BRD10: variants seen among roughly 807,000 people sequenced by gnomAD.
BRD10 encodes uncharacterized bromodomain-containing protein 10.
At chr9:5,931,009 TTC>T in the BRD10 span, among the ~76,000 whole-genome samples, 1 of 152,220 alleles carries the variant, frequency 6.6e-6, no homozygotes, top group African/African-American at 2.4e-5. Context: ...AAGTAAATCT[TTC>T]CTAAGTTAAA....
the BRD10 span, chr9:5,988,304 A>G: frequency 6.6e-7 from 1 of 1,506,900 alleles, no homozygotes. Flanking sequence ...GCACATAAAA[A>G]TTATGCAGCT....
the BRD10 span, among the ~76,000 whole-genome samples, chr9:5,896,171 T>C: frequency 6.6e-6 from 1 of 152,226 alleles, no homozygotes; most frequent in African/African-American, 2.4e-5. Flanking sequence ...TGTGCAGCCC[T>C]GGGCACTTGA....
chr9:5,927,958 T>C, the BRD10 span, among the ~76,000 whole-genome samples: 4 of 152,214 alleles, frequency 2.6e-5, no homozygotes, highest in Admixed American at 1.3e-4. Flanking sequence ...CAGACTCCTA[T>C]ACTGAACTGC....
the BRD10 span, chr9:5,920,004 C>G: frequency 3.7e-6 from 6 of 1,613,794 alleles, no homozygotes; most frequent in Non-Finnish European, 4.2e-6. Flanking sequence ...ACTGTTGGTA[C>G]AGGAGGTGGA....
chr9:5,982,358 G>A, the BRD10 span, among the ~76,000 whole-genome samples: 1 of 152,142 alleles, frequency 6.6e-6, no homozygotes. Context: ...CCAGTGCTAG[G>A]ACAGCTGGTT....
the BRD10 span, chr9:5,906,892 G>C: frequency 2.5e-6 from 4 of 1,576,618 alleles, no homozygotes; most frequent in African/African-American, 5.5e-5. Context: ...CAGGATAAAA[G>C]TCTTCATGTT....
chr9:5,944,828 T>C, the BRD10 span: 8 of 932,064 alleles, frequency 8.6e-6, no homozygotes, highest in African/African-American at 1.7e-5. Flanking sequence ...GAATAAATTT[T>C]AATGCTGACA....
the BRD10 span, among the ~76,000 whole-genome samples, chr9:5,926,686 C>A: frequency 2.6e-5 from 4 of 152,094 alleles, no homozygotes; most frequent in African/African-American, 9.7e-5. Flanking sequence ...TGCCCGCCAC[C>A]ACACCCGGCT....
chr9:5,990,473 G>T, the BRD10 span, among the ~76,000 whole-genome samples: 2 of 152,014 alleles, frequency 1.3e-5, no homozygotes, highest in Non-Finnish European at 2.9e-5. Flanking sequence ...CAAGTTATAT[G>T]GCTAAATTGT....
the BRD10 span, among the ~76,000 whole-genome samples, chr9:5,993,987 G>A: frequency 1.3e-5 from 2 of 152,114 alleles, no homozygotes; most frequent in South Asian, 4.1e-4. Flanking sequence ...ATTCATCTAA[G>A]CTTCTGTCTA....
chr9:5,925,266 C>T, the BRD10 span, among the ~76,000 whole-genome samples: 7 of 149,448 alleles, frequency 4.7e-5, no homozygotes, highest in Non-Finnish European at 1.0e-4. Context: ...GGCTGAGGGA[C>T]GAGAACTGCT....
the BRD10 span, among the ~76,000 whole-genome samples, chr9:5,949,559 T>C: frequency 4.6e-5 from 7 of 152,176 alleles, no homozygotes; most frequent in African/African-American, 1.2e-4. Context: ...ATATAAGTCT[T>C]AGCAGCTGGA....
chr9:5,911,459 T>G, the BRD10 span, among the ~76,000 whole-genome samples: 1 of 151,496 alleles, frequency 6.6e-6, no homozygotes. Flanking sequence ...ACTATAGGCT[T>G]TGTAGTGTAA....
At chr9:5,969,603 A>T in the BRD10 span, among the ~76,000 whole-genome samples, 3 of 152,068 alleles carry the variant, frequency 2.0e-5, no homozygotes, top group African/African-American at 7.2e-5. Context: ...TAGTGCAGTG[A>T]TGCAATCTCA....
the BRD10 span, chr9:5,919,655 A>T: frequency 6.4e-7 from 1 of 1,559,062 alleles, no homozygotes; most frequent in Non-Finnish European, 8.6e-7. Flanking sequence ...ATGCCCCATT[A>T]TTTAAAAACT....
the BRD10 span, among the ~76,000 whole-genome samples, chr9:5,975,492 G>A: frequency 3.6e-5 from 5 of 138,270 alleles, no homozygotes; most frequent in East Asian, 1.2e-3. Context: ...CATTAAAGTA[G>A]TTATTGAAAC....
chr9:5,963,880 C>T, the BRD10 span, among the ~76,000 whole-genome samples: 1 of 151,760 alleles, frequency 6.6e-6, no homozygotes, highest in African/African-American at 2.4e-5. Flanking sequence ...GGATCCCTTC[C>T]TTACACCTTA....
At chr9:5,953,856 T>C in the BRD10 span, among the ~76,000 whole-genome samples, 1 of 152,136 alleles carries the variant, frequency 6.6e-6, no homozygotes, top group Admixed American at 6.6e-5. Flanking sequence ...GATTAAATCT[T>C]GGTTACATCT....
At chr9:5,995,280 C>A in the BRD10 span, among the ~76,000 whole-genome samples, 1 of 152,184 alleles carries the variant, frequency 6.6e-6, no homozygotes, top group African/African-American at 2.4e-5. Flanking sequence ...GAGAAAACGG[C>A]AGTTTTTAAG....
Sources: gnomAD v4.1 joint callset for allele counts (sites outside exome capture counted in the v4.1 genomes callset) on GRCh38, gnomAD v4.1.1 for gene constraint, MANE v1.5 for transcripts, NCBI Gene and HGNC (gene_info 2026-07-23, HGNC 2026-07-21) for gene names.